The following FANK1 variants were observed in gnomAD, a reference collection of about 807,000 sequenced individuals.
FANK1 encodes fibronectin type III and ankyrin repeat domains 1, also known as fibronectin type 3 and ankyrin repeat domains protein 1.
In FANK1, 44 loss-of-function variants were observed where a neutral mutation model predicts 45.3. That is an observed-to-expected ratio of 0.97 (90% confidence interval 0.76 to 1.25). The LOEUF is 1.25. FANK1 is among the 50% of genes most tolerant of loss of function. FANK1 has a pLI of 0.00. For synonymous variants in FANK1, 149 were observed against 152.5 expected (o/e 0.98, Z 0.17); for missense variants, 391 against 424.4 (o/e 0.92, Z 0.69).
chr10:125,973,036 G>A (rs924816692), intron 1 of FANK1: 3 of 152,262 alleles, frequency 2.0e-5, no homozygotes, highest in Admixed American at 6.5e-5. Context: ...ATGAGTAGCA[G>A]CTGGAAGTGG....
chr10:125,980,034 G>A (rs1371738511), intron 1 of FANK1, 127 bp from the exon 2 acceptor site: 10 of 915,662 alleles, frequency 1.1e-5, no homozygotes, highest in African/African-American at 1.7e-5. Flanking sequence ...CAACAGGGAG[G>A]TATGCTCATA....
intron 1 of FANK1, among the ~76,000 whole-genome samples, chr10:125,910,963 G>C (rs34284010): frequency 0.043 from 6,578 of 151,628 alleles, 221 homozygotes; most frequent in Non-Finnish European, 0.064. Flanking sequence ...GAACCCGGGA[G>C]GCAGAGTTTG....
intron 1 of FANK1, chr10:125,972,474 G>T (rs918578276): frequency 6.6e-6 from 1 of 152,108 alleles, no homozygotes; most frequent in Non-Finnish European, 1.5e-5. Flanking sequence ...TAAGGATTAG[G>T]ATACACCTGT....
At chr10:125,980,382 G>T (rs1169553935) in intron 2 of FANK1, 44 bp downstream of exon 2, 1 of 1,566,076 alleles carries the variant, frequency 6.4e-7, no homozygotes, top group African/African-American at 1.4e-5. Flanking sequence ...CTTACTTCCT[G>T]ATTAGCTGGA....
intron 3 of FANK1, among the ~76,000 whole-genome samples, chr10:125,993,685 C>T (rs964686505): frequency 6.6e-6 from 1 of 152,162 alleles, no homozygotes; most frequent in African/African-American, 2.4e-5. Context: ...CCTTGGAAGG[C>T]CAGGGACAGC....
intron 1 of FANK1, among the ~76,000 whole-genome samples, chr10:125,929,841 C>CTT (rs200005703): frequency 0.021 from 3,248 of 152,250 alleles, 74 homozygotes; most frequent in South Asian, 0.054. Context: ...TTACCCTCTA[C>CTT]TTGAGGTACA....
chr10:126,003,648 C>T (rs1171656582), intron 6 of FANK1, among the ~76,000 whole-genome samples: 1 of 150,978 alleles, frequency 6.6e-6, no homozygotes. Flanking sequence ...TGTGAATATT[C>T]CATTCCCCAT....
intron 1 of FANK1, among the ~76,000 whole-genome samples, chr10:125,930,595 C>T (rs1947688634): frequency 6.6e-6 from 1 of 151,928 alleles, no homozygotes; most frequent in Non-Finnish European, 1.5e-5. Context: ...CTTTGACCTC[C>T]AGAAGTTCTG....
At chr10:125,952,848 C>T (rs1303480103) in intron 1 of FANK1, among the ~76,000 whole-genome samples, 2 of 129,160 alleles carry the variant, frequency 1.5e-5, no homozygotes, top group Non-Finnish European at 3.3e-5. Context: ...CACACACACA[C>T]ACACACACAC....
intron 1 of FANK1, among the ~76,000 whole-genome samples, chr10:125,932,038 A>T (rs944695962): frequency 1.3e-5 from 2 of 152,118 alleles, no homozygotes; most frequent in African/African-American, 4.8e-5. Flanking sequence ...TGGGTTCTCT[A>T]TTCTGTTTCA....
chr10:125,930,619 G>C (rs1055507514), intron 1 of FANK1, among the ~76,000 whole-genome samples: 60 of 151,862 alleles, frequency 4.0e-4, no homozygotes, highest in Admixed American at 2.0e-4. Context: ...TTACAAGTAG[G>C]AGCCACCGCA....
At chr10:125,997,603 A>AGG in intron 6 of FANK1, 118 bp downstream of exon 6, 3 of 886,384 alleles carry the variant, frequency 3.4e-6, no homozygotes, top group Non-Finnish European at 3.4e-6. Context: ...CAGTCCTGAG[A>AGG]GGTGAGTGGG....
At chr10:125,916,832 ACT>A (rs1460988058) in intron 1 of FANK1, among the ~76,000 whole-genome samples, 1 of 152,024 alleles carries the variant, frequency 6.6e-6, no homozygotes, top group Non-Finnish European at 1.5e-5. Flanking sequence ...CAGGAAGAAC[ACT>A]CTGACCTTCC....
At chr10:125,927,978 A>T (rs959783098) in intron 1 of FANK1, among the ~76,000 whole-genome samples, 13 of 152,286 alleles carry the variant, frequency 8.5e-5, no homozygotes, top group African/African-American at 3.1e-4. Context: ...CAGTGGCTAT[A>T]TCAGTTTACA....
intron 1 of FANK1, among the ~76,000 whole-genome samples, chr10:125,921,641 C>G (rs1252410930): frequency 1.3e-5 from 2 of 152,082 alleles, no homozygotes; most frequent in African/African-American, 2.4e-5. Flanking sequence ...TTAATAAATA[C>G]AGGGGTATTC....
intron 3 of FANK1, chr10:125,989,155 TC>T (rs1283781880): frequency 2.5e-6 from 2 of 790,408 alleles, no homozygotes; most frequent in Non-Finnish European, 4.0e-6. Context: ...TGCTGCTGCA[TC>T]CACGGAGAAT....
intron 1 of FANK1, among the ~76,000 whole-genome samples, chr10:125,939,335 T>G (rs1329909859): frequency 1.3e-5 from 2 of 152,174 alleles, no homozygotes; most frequent in African/African-American, 4.8e-5. Flanking sequence ...GGACTACATA[T>G]TCGATAATAT....
chr10:125,937,243 A>G (rs1948165118), intron 1 of FANK1, among the ~76,000 whole-genome samples: 1 of 152,222 alleles, frequency 6.6e-6, no homozygotes, highest in African/African-American at 2.4e-5. Context: ...GTCGTGACTT[A>G]TAATCTCACC....
At chr10:125,996,910 A>G (rs563493175) in intron 5 of FANK1, among the ~76,000 whole-genome samples, 1 of 147,588 alleles carries the variant, frequency 6.8e-6, no homozygotes, top group Non-Finnish European at 1.5e-5. Context: ...TTGGAATTCA[A>G]TTTTTTTTTT....
Sources: allele counts gnomAD v4.1 joint callset (sites outside exome capture counted in the v4.1 genomes callset), GRCh38; gene constraint gnomAD v4.1.1; transcripts MANE v1.5; gene names NCBI Gene and HGNC (gene_info 2026-07-23, HGNC 2026-07-21).